Variants in CDH18 observed in about 807,000 individuals in gnomAD.
CDH18 encodes the protein cadherin 18, also known as cadherin-18.
A neutral mutation model predicts 67.9 loss-of-function variants in CDH18; 31 were observed. The ratio of observed to expected loss-of-function variants is 0.46; its 90% CI spans 0.34 to 0.62. The LOEUF is 0.62. Ranked by LOEUF, CDH18 falls within the 20% of genes least tolerant of loss-of-function variation. The pLI, the probability that CDH18 is intolerant of heterozygous loss-of-function variation, is 0.01. For missense variants in CDH18, 890 were observed against 975.5 expected (o/e 0.91, Z 1.17); for synonymous variants, 362 against 347.2 (o/e 1.04, Z -0.48).
chr5:20,185,444 C>G (rs565058966), intron 2 of CDH18, among the ~76,000 whole-genome samples: 53 of 152,170 alleles, frequency 3.5e-4, no homozygotes, highest in Admixed American at 3.3e-3. Context: ...CCATGTCACT[C>G]AGAATAAAGT....
At chr5:20,356,369 C>A (rs1013057190) in intron 1 of CDH18, among the ~76,000 whole-genome samples, 1 of 152,010 alleles carries the variant, frequency 6.6e-6, no homozygotes, top group Non-Finnish European at 1.5e-5. Context: ...GGCGAAAGAG[C>A]AAGACTCCAT....
chr5:20,313,509 A>G (rs1360123905), intron 1 of CDH18, among the ~76,000 whole-genome samples: 3 of 152,076 alleles, frequency 2.0e-5, no homozygotes, highest in Non-Finnish European at 1.5e-5. Flanking sequence ...AAGTACCTCC[A>G]CTGACTTTAA....
At chr5:20,463,296 AAAC>A (rs1343915857) in intron 1 of CDH18, among the ~76,000 whole-genome samples, 1 of 151,564 alleles carries the variant, frequency 6.6e-6, no homozygotes, top group African/African-American at 2.4e-5. Context: ...GAGATTAGTA[AAAC>A]AAGAAAAAAA....
At chr5:20,333,526 T>C (rs1301094748) in intron 1 of CDH18, among the ~76,000 whole-genome samples, 1,862 of 111,694 alleles carry the variant, frequency 0.017, 34 homozygotes, top group African/African-American at 0.048. Context: ...AAACAATATA[T>C]ATACACACAC....
intron 3 of CDH18, among the ~76,000 whole-genome samples, chr5:19,794,152 CTT>C (rs927890174): frequency 8.6e-5 from 13 of 152,018 alleles, no homozygotes; most frequent in African/African-American, 2.9e-4. Context: ...ATATAACTAA[CTT>C]TGTAGTGGTG....
At chr5:19,944,810 G>A (rs913367173) in intron 2 of CDH18, among the ~76,000 whole-genome samples, 2 of 152,070 alleles carry the variant, frequency 1.3e-5, no homozygotes, top group African/African-American at 4.8e-5. Flanking sequence ...GCCATAAAAG[G>A]ATTCCAAAAG....
chr5:19,931,431 T>G (rs866802330), intron 2 of CDH18, among the ~76,000 whole-genome samples: 1 of 151,958 alleles, frequency 6.6e-6, no homozygotes, highest in Non-Finnish European at 1.5e-5. Context: ...ACATTTGGAA[T>G]AAATATTTTC....
intron 5 of CDH18, among the ~76,000 whole-genome samples, chr5:19,635,841 A>C (rs956807398): frequency 2.6e-5 from 4 of 152,144 alleles, no homozygotes; most frequent in Non-Finnish European, 5.9e-5. Flanking sequence ...ATATTATCCA[A>C]AGTAACTGCA....
chr5:19,853,890 T>C (rs970722455), intron 2 of CDH18, among the ~76,000 whole-genome samples: 1 of 152,136 alleles, frequency 6.6e-6, no homozygotes, highest in Admixed American at 6.6e-5. Flanking sequence ...GGGTGGATCG[T>C]GGGAGAACTC....
intron 5 of CDH18, among the ~76,000 whole-genome samples, chr5:19,663,318 TATACTA>T (rs1162047991): frequency 6.6e-6 from 1 of 151,938 alleles, no homozygotes; most frequent in African/African-American, 2.4e-5. Flanking sequence ...ATATAAAACC[TATACTA>T]ATACTAACTG....
At chr5:19,805,985 C>T (rs759206954) in intron 3 of CDH18, among the ~76,000 whole-genome samples, 18 of 152,162 alleles carry the variant, frequency 1.2e-4, no homozygotes, top group Non-Finnish European at 2.2e-4. Flanking sequence ...TGTACTCAGT[C>T]ACCCATCCAC....
intron 2 of CDH18, among the ~76,000 whole-genome samples, chr5:19,887,907 T>C (rs1473057771): frequency 6.6e-6 from 1 of 152,014 alleles, no homozygotes; most frequent in African/African-American, 2.4e-5. Flanking sequence ...ACAAAGGTCA[T>C]GGTTCAATTT....
chr5:20,072,257 C>T (rs1413737071), intron 2 of CDH18, among the ~76,000 whole-genome samples: 1 of 152,006 alleles, frequency 6.6e-6, no homozygotes, highest in African/African-American at 2.4e-5. Context: ...ACCTTCTCTG[C>T]CACATTAAAT....
At chr5:20,327,167 G>A (rs781517855) in intron 1 of CDH18, among the ~76,000 whole-genome samples, 5 of 152,020 alleles carry the variant, frequency 3.3e-5, no homozygotes, top group African/African-American at 7.2e-5. Context: ...TGAATATTGC[G>A]ACCCCAAACT....
intron 3 of CDH18, among the ~76,000 whole-genome samples, chr5:19,787,095 ATC>A (rs1581351378): frequency 6.6e-6 from 1 of 152,276 alleles, no homozygotes; most frequent in East Asian, 1.9e-4. Flanking sequence ...AGGAAGAAGA[ATC>A]TTTGTGGAGA....
chr5:20,055,990 C>CG (rs1741866011), intron 2 of CDH18, among the ~76,000 whole-genome samples: 1 of 73,790 alleles, frequency 1.4e-5, no homozygotes, highest in African/African-American at 5.3e-5. Context: ...TTTTGGTTTC[C>CG]TTTTTTTTTT....
chr5:20,571,547 T>G (rs1260407664), intron 1 of CDH18, among the ~76,000 whole-genome samples: 1 of 152,162 alleles, frequency 6.6e-6, no homozygotes, highest in Non-Finnish European at 1.5e-5. Flanking sequence ...TCCACAGAAC[T>G]TTGTGTATTG....
intron 5 of CDH18, among the ~76,000 whole-genome samples, chr5:19,720,544 G>A (rs552443664): frequency 1.3e-5 from 2 of 152,070 alleles, no homozygotes; most frequent in African/African-American, 4.8e-5. Context: ...TTGTCAATGG[G>A]GACATGTGAT....
intron 3 of CDH18, among the ~76,000 whole-genome samples, chr5:19,757,164 A>T (rs1771711938): frequency 6.6e-6 from 1 of 152,216 alleles, no homozygotes. Flanking sequence ...TGTGTGGAAT[A>T]CCATGAGGGT....
Sources: allele counts gnomAD v4.1 joint callset (sites outside exome capture counted in the v4.1 genomes callset), GRCh38; gene constraint gnomAD v4.1.1; transcripts MANE v1.5; gene names NCBI Gene and HGNC (gene_info 2026-07-23, HGNC 2026-07-21).